Variants in ITGA1 observed in about 807,000 individuals in gnomAD.
The protein encoded by ITGA1 is integrin alpha-1.
In ITGA1, 85 loss-of-function variants were observed where a neutral mutation model predicts 145.9. The ratio of observed to expected loss-of-function variants is 0.58; its 90% CI spans 0.49 to 0.70. The LOEUF (loss-of-function observed/expected upper bound fraction) is 0.70. Among genes scored for constraint, ITGA1 ranks in the 30% least tolerant of loss-of-function variants. The pLI is 0.00. For synonymous variants in ITGA1, 520 were observed against 495.3 expected (o/e 1.05, Z -0.66); for missense variants, 1,351 against 1,418.7 (o/e 0.95, Z 0.77).
chr5:52,796,997 G>C (rs1185316572), intron 1 of ITGA1, among the ~76,000 whole-genome samples: 1 of 152,108 alleles, frequency 6.6e-6, no homozygotes, highest in Non-Finnish European at 1.5e-5. Flanking sequence ...GGTGCCCTGA[G>C]GGGAAAAGTG....
Position 52,922,901 on chromosome 5 carries a change from C to A in ITGA1, c.2403+14C>A. ...GTACATGAATATGTAAGTCAGATTT[C>A]TTTAAAATACAAAATACCAACTTGT... is the stretch of plus-strand genomic sequence containing the variant. On this transcript the variant is annotated intron_variant, in intron 18 of 28. Coordinates refer to ENST00000282588, the MANE Select transcript of ITGA1 (RefSeq NM_181501.2). 6.9e-7 allele frequency: 1 copy of A among 1,443,800 alleles called. No homozygotes were observed. 89.4% of individuals were successfully genotyped at this position (1,443,800 alleles called of 1,614,324 possible).
chr5:52,934,530 G>T (rs1255877738), intron 23 of ITGA1, among the ~76,000 whole-genome samples: 1 of 151,454 alleles, frequency 6.6e-6, no homozygotes, highest in Non-Finnish European at 1.5e-5. Flanking sequence ...TACTCATGTT[G>T]GTACTACCAC....
At chr5:52,850,379 A>G (rs1749411126) in intron 2 of ITGA1, among the ~76,000 whole-genome samples, 1 of 152,198 alleles carries the variant, frequency 6.6e-6, no homozygotes, top group South Asian at 2.1e-4. Context: ...CTTAATATTT[A>G]ATAGAATTTT....
At chr5:52,866,912 T>C (rs1188655190) in intron 6 of ITGA1, 2 of 152,166 alleles carry the variant, frequency 1.3e-5, no homozygotes, top group African/African-American at 4.8e-5. Flanking sequence ...AGGTCAGGAA[T>C]TAGCCCTAGA....
intron 13 of ITGA1, among the ~76,000 whole-genome samples, chr5:52,909,428 A>G (rs567352122): frequency 1.3e-5 from 2 of 152,170 alleles, no homozygotes; most frequent in South Asian, 2.1e-4. Flanking sequence ...CATGAGTTTC[A>G]AGGCAGCAAC....
chr5:52,848,583 A>AT (rs917859558), intron 1 of ITGA1, among the ~76,000 whole-genome samples: 4 of 151,182 alleles, frequency 2.6e-5, no homozygotes, highest in African/African-American at 4.8e-5. Context: ...TATTATTATT[A>AT]TTTTTTTATT....
chr5:52,959,003 A>T lies in ITGA1; in HGVS notation c.*6552A>T, dbSNP rs1751340614. On this transcript the variant is annotated 3_prime_UTR_variant, in exon 29 of 29. Transcript: ENST00000282588. The stretch of plus-strand genomic sequence containing the variant: ...AAAGAAATCAGGTAACAGTCATTTA[A>T]TCTGATATAATTAGAAATAGCTGAG... 1 of 152,142 alleles carries T rather than the reference A, an allele frequency of 6.6e-6. No homozygotes were observed. Among genetic ancestry groups the T allele is most frequent in the Non-Finnish European group, 1.5e-5 (1 of 68,006 alleles). The allele number at this position is 152,142 out of a possible 1,614,324, so 9.4% of individuals were successfully genotyped here. A position where few individuals can be genotyped will look rare whatever the true frequency, so the allele number is the denominator to read the frequency against.
At chr5:52,906,337 A>G (rs184668819) in intron 12 of ITGA1, among the ~76,000 whole-genome samples, 1 of 152,338 alleles carries the variant, frequency 6.6e-6, no homozygotes, top group Admixed American at 6.5e-5. Flanking sequence ...AGAAAGTTAA[A>G]AAGATAACAT....
intron 9 of ITGA1, among the ~76,000 whole-genome samples, chr5:52,895,885 A>G (rs764857474): frequency 3.9e-5 from 6 of 152,194 alleles, no homozygotes; most frequent in African/African-American, 7.2e-5. Flanking sequence ...GAGATATTTA[A>G]AAAGGCTTTA....
chr5:52,813,042 T>C (rs1372368402), intron 1 of ITGA1, among the ~76,000 whole-genome samples: 1 of 152,118 alleles, frequency 6.6e-6, no homozygotes, highest in African/African-American at 2.4e-5. Flanking sequence ...TTAAATTTGA[T>C]GAAAGACCCA....
intron 1 of ITGA1, among the ~76,000 whole-genome samples, chr5:52,812,032 A>C (rs1013758683): frequency 2.0e-5 from 3 of 152,238 alleles, no homozygotes; most frequent in Admixed American, 1.3e-4. Context: ...AGGTTAAACC[A>C]GGAGTGTCAT....
chr5:52,897,538 C>A lies in ITGA1; in HGVS notation c.1164+10C>A, dbSNP rs779740305. On this transcript the variant is annotated intron_variant, in intron 10 of 28. Transcript: ENST00000282588. ...TGCTCATTATTCACAGGTATGTTGA[C>A]CAGTTGGTGAAAAATGAAATATATG... 44 of 1,606,552 alleles carry A rather than the reference C, an allele frequency of 2.7e-5. No homozygotes were observed. The South Asian group carries it at 3.1e-4, about 11-fold the overall frequency.
chr5:52,888,663 C>G (rs143854967), intron 8 of ITGA1, among the ~76,000 whole-genome samples: 197 of 152,322 alleles, frequency 1.3e-3, no homozygotes, highest in African/African-American at 4.5e-3. Flanking sequence ...TAAAAAGTTA[C>G]CCAAATGGTA....
chr5:52,813,319 A>G (rs1026920964), intron 1 of ITGA1, among the ~76,000 whole-genome samples: 1 of 152,162 alleles, frequency 6.6e-6, no homozygotes, highest in Non-Finnish European at 1.5e-5. Context: ...CCTCCATTTA[A>G]TCATCTTACT....
At chr5:52,929,107 T>C (rs769577791) in intron 20 of ITGA1, among the ~76,000 whole-genome samples, 1 of 152,180 alleles carries the variant, frequency 6.6e-6, no homozygotes, top group Admixed American at 6.5e-5. Context: ...ACTGAGTAGC[T>C]TAAAAGCCAG....
Position 52,801,679 on chromosome 5 carries a change from G to C in ITGA1, c.61+13265G>C, listed in dbSNP as rs377544857. The C allele has an allele frequency of 5.0e-6, 8 of 1,614,078 alleles. No homozygotes were observed. In the African/African-American group the frequency reaches 1.1e-4, roughly 22 times the overall value. Reference sequence around the variant, plus strand: ...CACACGGAGCCGGTATGTGAGGCTGGTGGACAGTGTGAAAGAGAATGCAGG... The same window carrying C: ...CACACGGAGCCGGTATGTGAGGCTGCTGGACAGTGTGAAAGAGAATGCAGG... On this transcript the variant is annotated intron_variant, in intron 1 of 28. Coordinates refer to ENST00000282588, the MANE Select transcript of ITGA1 (RefSeq NM_181501.2).
intron 6 of ITGA1, among the ~76,000 whole-genome samples, chr5:52,875,839 T>G (rs922016274): frequency 6.6e-6 from 1 of 152,220 alleles, no homozygotes. Context: ...GACTTTTGTA[T>G]CATCCCAACG....
rs1749845915 is a variant in ITGA1 at position 52,875,157 on chromosome 5, A to T, written c.625-6716A>T. Among the ~76,000 whole-genome samples the T allele has an allele frequency of 2.0e-5, 3 of 152,138 alleles. No homozygotes were observed. In the South Asian group the frequency reaches 6.2e-4, roughly 32 times the overall value. The stretch of plus-strand genomic sequence containing the variant: ...TCATAGTGATAGGAGAAAGGTAGAG[A>T]TGGGGAGGAGTCTGCCGTAAAGATA... On this transcript the variant is annotated intron_variant, in intron 6 of 28. Transcript: ENST00000282588.
intron 1 of ITGA1, among the ~76,000 whole-genome samples, chr5:52,813,513 CAGAT>C (rs1325447243): frequency 6.6e-6 from 1 of 152,122 alleles, no homozygotes; most frequent in Non-Finnish European, 1.5e-5. Context: ...CAAAGAGGCT[CAGAT>C]AGGAACAAAG....
Sources: allele counts gnomAD v4.1 joint callset (sites outside exome capture counted in the v4.1 genomes callset), GRCh38; gene constraint gnomAD v4.1.1; transcripts MANE v1.5; gene names NCBI Gene and HGNC (gene_info 2026-07-23, HGNC 2026-07-21).